TENM2: variants seen among roughly 807,000 people sequenced by gnomAD.
TENM2 encodes teneurin transmembrane protein 2.
Under a neutral mutation model 245.2 loss-of-function variants are expected in TENM2, and 52 were observed. The ratio of observed to expected loss-of-function variants is 0.21; its 90% CI spans 0.17 to 0.27. The LOEUF is 0.27. Ranked by LOEUF, TENM2 falls within the 10% of genes least tolerant of loss-of-function variation. TENM2 has a pLI of 1.00. For synonymous variants in TENM2, 1,363 were observed against 1,438.9 expected, an observed-to-expected ratio of 0.95 and a Z score of 1.19; for missense variants, 3,046 against 3,666.8, an observed-to-expected ratio of 0.83 and a Z score of 4.37.
intron 2 of TENM2, among the ~76,000 whole-genome samples, chr5:167,392,472 T>C (rs1018808501): frequency 3.3e-5 from 5 of 152,178 alleles, no homozygotes; most frequent in Admixed American, 6.5e-5. Flanking sequence ...TTGAGTTTAC[T>C]CTGGCTGATT....
At chr5:167,067,118 C>G in the TENM2 span, among the ~76,000 whole-genome samples, 1 of 152,068 alleles carries the variant, frequency 6.6e-6, no homozygotes, top group Non-Finnish European at 1.5e-5. Context: ...TGAAGTGATT[C>G]TGTATAAAAT....
chr5:167,705,993 T>TA lies in TENM2; in HGVS notation c.503-169993_503-169992insA, dbSNP rs1561690712. ...TATATATATATATATATATATATAT[T>TA]TATTTATTTATTTATTTACTTATTT... On this transcript the variant is annotated intron_variant, in intron 2 of 28. Coordinates refer to ENST00000518659, the Ensembl canonical transcript of TENM2. 7.4e-3 allele frequency among the ~76,000 whole-genome samples: 494 copies of TA among 66,318 alleles called. 2 individuals are homozygous for TA. Among genetic ancestry groups the TA allele is most frequent in the African/African-American group, 0.035 (241 of 6,892 alleles). The allele number at this position is 66,318 out of a possible 152,430, so 43.5% of individuals were successfully genotyped here.
At chr5:167,247,839 G>A in the TENM2 span, among the ~76,000 whole-genome samples, 1 of 151,980 alleles carries the variant, frequency 6.6e-6, no homozygotes, top group African/African-American at 2.4e-5. Context: ...TTTTTCTGAA[G>A]GAACATGAAA....
intron 2 of TENM2, among the ~76,000 whole-genome samples, chr5:167,591,095 C>T (rs545797207): frequency 1.1e-4 from 16 of 152,276 alleles, no homozygotes; most frequent in African/African-American, 3.8e-4. Flanking sequence ...ATTGCTCTAG[C>T]TTCCCCACGA....
intron 2 of TENM2, among the ~76,000 whole-genome samples, chr5:167,722,875 T>C (rs1041233840): frequency 6.6e-6 from 1 of 152,214 alleles, no homozygotes; most frequent in South Asian, 2.1e-4. Flanking sequence ...CTCCTAAATA[T>C]CAGAAAATGT....
chr5:167,935,974 C>G (rs1778677826), intron 3 of TENM2, among the ~76,000 whole-genome samples: 1 of 152,094 alleles, frequency 6.6e-6, no homozygotes, highest in Non-Finnish European at 1.5e-5. Context: ...AGGCTTCCAT[C>G]TAAATAATTT....
At chr5:167,685,201 A>G (rs576123236) in intron 2 of TENM2, among the ~76,000 whole-genome samples, 2 of 152,350 alleles carry the variant, frequency 1.3e-5, no homozygotes, top group Non-Finnish European at 2.9e-5. Flanking sequence ...ACTCAAATGT[A>G]TAGTTTAAGG....
intron 3 of TENM2, among the ~76,000 whole-genome samples, chr5:167,934,626 A>G (rs1347562544): frequency 6.6e-6 from 1 of 152,212 alleles, no homozygotes; most frequent in Non-Finnish European, 1.5e-5. Context: ...GGCTGGAGCA[A>G]TGAGACATGT....
intron 2 of TENM2, among the ~76,000 whole-genome samples, chr5:167,865,588 A>G (rs1772245419): frequency 6.6e-6 from 1 of 152,140 alleles, no homozygotes; most frequent in African/African-American, 2.4e-5. Flanking sequence ...ATCAAATTTT[A>G]TACAACGGTT....
At chr5:167,218,052 T>G in the TENM2 span, among the ~76,000 whole-genome samples, 1 of 152,246 alleles carries the variant, frequency 6.6e-6, no homozygotes, top group African/African-American at 2.4e-5. Context: ...ATGAGCCCTT[T>G]ATGAGATGTA....
intron 2 of TENM2, among the ~76,000 whole-genome samples, chr5:167,445,588 C>T (rs1765160979): frequency 6.6e-6 from 1 of 152,012 alleles, no homozygotes; most frequent in African/African-American, 2.4e-5. Flanking sequence ...TACATTTTAT[C>T]CTCCCAATAA....
the TENM2 span, among the ~76,000 whole-genome samples, chr5:167,146,368 T>C: frequency 6.6e-6 from 1 of 152,168 alleles, no homozygotes; most frequent in Non-Finnish European, 1.5e-5. Context: ...GAAAGTTCTA[T>C]TTCAATATTC....
chr5:168,186,956 A>G (rs1477613669), intron 13 of TENM2: 1 of 152,214 alleles, frequency 6.6e-6, no homozygotes, highest in Non-Finnish European at 1.5e-5. Flanking sequence ...TGGAGTGCCA[A>G]TTTAAAGTTC....
chr5:167,016,623 A>T, the TENM2 span, among the ~76,000 whole-genome samples: 4 of 152,244 alleles, frequency 2.6e-5, no homozygotes, highest in Non-Finnish European at 5.9e-5. Flanking sequence ...AAAAAGAAGG[A>T]AATTCTGCAA....
the TENM2 span, among the ~76,000 whole-genome samples, chr5:166,990,988 TA>T: frequency 6.6e-6 from 1 of 151,628 alleles, no homozygotes; most frequent in Non-Finnish European, 1.5e-5. Flanking sequence ...TGCATGAAGT[TA>T]AAAAAGAAAG....
intron 2 of TENM2, among the ~76,000 whole-genome samples, chr5:167,586,921 G>A (rs948430215): frequency 1.3e-5 from 2 of 152,182 alleles, no homozygotes; most frequent in African/African-American, 4.8e-5. Flanking sequence ...TTTGGAAAGT[G>A]CATGTAAGTT....
chr5:168,218,570 C>G lies in TENM2; in HGVS notation c.4679C>G (p.Ala1560Gly). ...GCTCCAGATGGTACCATTTACATTG[C>G]AGACCTTGGAAATATTCGGATCAGG... The change falls in exon 23 of 29, where the codon GCA becomes GGA. Residue 1560 changes from alanine (A) to glycine (G), a missense_variant. By Grantham distance (60) the Ala-to-Gly change is moderately conservative (BLOSUM62 0). Coordinates refer to ENST00000518659, the Ensembl canonical transcript of TENM2. The surrounding 1 kb of genome is among the most constrained non-coding windows in gnomAD (Gnocchi z 5.2). The G allele has an allele frequency of 1.2e-6, 2 of 1,614,022 alleles. No homozygotes were observed. Among genetic ancestry groups the G allele is most frequent in the Non-Finnish European group, 1.7e-6 (2 of 1,179,900 alleles).
chr5:167,329,643 T>C (rs1757316997), intron 1 of TENM2, among the ~76,000 whole-genome samples: 1 of 149,872 alleles, frequency 6.7e-6, no homozygotes, highest in Non-Finnish European at 1.5e-5. Flanking sequence ...AGCAAGGAGC[T>C]TGAGTGGGTA....
At chr5:167,204,177 T>C in the TENM2 span, among the ~76,000 whole-genome samples, 5 of 148,354 alleles carry the variant, frequency 3.4e-5, no homozygotes, top group Non-Finnish European at 7.4e-5. Flanking sequence ...AAAAAGGTGA[T>C]TGACTGGAAA....
Sources: allele counts gnomAD v4.1 joint callset (sites outside exome capture counted in the v4.1 genomes callset), GRCh38; gene constraint gnomAD v4.1.1; non-coding constraint Gnocchi (gnomAD v3.1); transcripts MANE v1.5; gene names NCBI Gene and HGNC (gene_info 2026-07-23, HGNC 2026-07-21).